SH3TC1: variants seen among roughly 807,000 people sequenced by gnomAD.
SH3TC1 encodes the protein SH3 domain and tetratricopeptide repeats 1.
SH3TC1 carries 135 observed loss-of-function variants against 117.3 expected under a neutral mutation model. The ratio of observed to expected loss-of-function variants is 1.15; its 90% CI spans 1.00 to 1.33. The LOEUF is 1.33. Ranked by LOEUF, SH3TC1 falls within the 40% of genes most tolerant of loss-of-function variation. The pLI is 0.00. For synonymous variants in SH3TC1, 898 were observed against 816.9 expected (o/e 1.10, Z -1.69); for missense variants, 2,092 against 1,794.3 (o/e 1.17, Z -3.00).
intron 1 of SH3TC1, among the ~76,000 whole-genome samples, chr4:8,185,370 C>A (rs1333382243): frequency 6.6e-6 from 1 of 152,160 alleles, no homozygotes; most frequent in East Asian, 1.9e-4. Flanking sequence ...CATTAAGGCT[C>A]CCTGTGCTGT....
intron 1 of SH3TC1, among the ~76,000 whole-genome samples, chr4:8,189,232 C>A (rs889315379): frequency 1.3e-5 from 2 of 152,268 alleles, no homozygotes; most frequent in Non-Finnish European, 2.9e-5. Context: ...TGGTGCTGTG[C>A]TGGGCACGTG....
chr4:8,232,415 C>T (rs1357159753), intron 13 of SH3TC1: 2 of 1,562,372 alleles, frequency 1.3e-6, no homozygotes, highest in African/African-American at 2.7e-5. Context: ...AAGGTCATCT[C>T]AACCCCAGCA....
At chr4:8,201,635 G>A (rs1206138803) in intron 1 of SH3TC1, 2 of 152,398 alleles carry the variant, frequency 1.3e-5, no homozygotes, top group African/African-American at 2.4e-5. Flanking sequence ...GGCTGAGGGA[G>A]GGGACGCTGT....
At chr4:8,223,681 G>A (rs926559479) in intron 10 of SH3TC1, among the ~76,000 whole-genome samples, 3 of 149,622 alleles carry the variant, frequency 2.0e-5, no homozygotes, top group African/African-American at 2.5e-5. Context: ...TGCCCAGGCT[G>A]GAGTGCAGTG....
At chr4:8,232,634 T>C (rs573447328) in intron 13 of SH3TC1, 1 of 1,310,292 alleles carries the variant, frequency 7.6e-7, no homozygotes, top group East Asian at 5.2e-5. Context: ...ACATCCCACA[T>C]GTGGCCCACT....
rs1317219735 is a variant in SH3TC1, at chr4:8,236,344, C to A, written c.3472C>A (p.Leu1158Met). Residue 1158 changes from leucine (L) to methionine (M), a missense_variant, in exon 16 of 18, where the codon CTG becomes ATG. Leu to Met is a conservative substitution (Grantham distance 15). Coordinates refer to ENST00000245105, the MANE Select transcript of SH3TC1 (RefSeq NM_018986.5). ...GGCGGAGCTGCGGCTGTGCAACAAGCTGGTGGCACTGCTGGCCACGCTGGA... is the reference window on the plus strand; with the variant it reads ...GGCGGAGCTGCGGCTGTGCAACAAGATGGTGGCACTGCTGGCCACGCTGGA... ...RKAELRLCNK[L>M]VALLATLEEP... is the part of the protein sequence containing the mutation. 9 of 1,551,488 alleles carry A rather than the reference C, an allele frequency of 5.8e-6. 1 individual carries two copies. In the Admixed American group the frequency reaches 1.8e-4, roughly 30 times the overall value.
intron 3 of SH3TC1, 103 bp from the exon 4 acceptor site, chr4:8,212,597 CG>C (rs1180816801): frequency 2.0e-6 from 3 of 1,507,280 alleles, no homozygotes; most frequent in African/African-American, 2.7e-5. Context: ...CCCAGGCCTT[CG>C]GGGTCAGGTG....
At chr4:8,200,910 ACAC>A (rs1013083316) in intron 1 of SH3TC1, among the ~76,000 whole-genome samples, 15 of 152,164 alleles carry the variant, frequency 9.9e-5, no homozygotes, top group African/African-American at 3.4e-4. Flanking sequence ...ACTTACAAGG[ACAC>A]CACGCACTGG....
At position 8,227,239 on chromosome 4, in the gene SH3TC1, C is replaced by T. The variant is rs547545214; in HGVS notation, c.1545C>T (p.Phe515=). 3 of 1,589,506 alleles carry T rather than the reference C, an allele frequency of 1.9e-6. No individual in the cohort carries two copies. In the South Asian group the frequency reaches 3.4e-5, roughly 18 times the overall value. The change falls in exon 12 of 18, where the codon TTC becomes TTT. Residue 515 remains phenylalanine, a synonymous_variant. Transcript: ENST00000245105. ...FLNAPGYKAS[F]RGLYDVALPW... is the part of the protein sequence containing the mutation. The stretch of plus-strand genomic sequence containing the variant: ...ACGCCCCTGGGTACAAGGCCAGCTT[C>T]CGTGGCCTGTACGATGTGGCGCTGC...
chr4:8,213,885 C>T (rs1718968696), intron 4 of SH3TC1, among the ~76,000 whole-genome samples: 1 of 17,802 alleles, frequency 5.6e-5, no homozygotes, highest in African/African-American at 1.9e-4. Flanking sequence ...GGCCTCATCT[C>T]TGGAAAAAAA....
At chr4:8,220,203 G>C (rs1000099630) in intron 9 of SH3TC1, among the ~76,000 whole-genome samples, 1 of 152,140 alleles carries the variant, frequency 6.6e-6, no homozygotes, top group African/African-American at 2.4e-5. Context: ...TACACACGTC[G>C]CTCTCCTCCG....
At position 8,222,852 on chromosome 4, in the gene SH3TC1, G is replaced by C; in HGVS notation, c.1125G>C (p.Ala375=). 6.2e-7 allele frequency: 1 copy of C among 1,611,426 alleles called. No individual in the cohort carries two copies. The highest frequency in any genetic ancestry group is 8.5e-7 in the Non-Finnish European group (1 of 1,177,754). Residue 375 remains alanine, a synonymous_variant, in exon 10 of 18, where the codon GCG becomes GCC. Transcript: ENST00000245105. ...MQGPVSELES[A]IFLNEEEKSF... ...TTATTTTTTCCAGGTTGGAAAGTGCGATTTTTCTCAATGAGGAAGAAAAGT... is the reference window on the plus strand; with the variant it reads ...TTATTTTTTCCAGGTTGGAAAGTGCCATTTTTCTCAATGAGGAAGAAAAGT...
chr4:8,220,706 G>A (rs3101829), intron 9 of SH3TC1, among the ~76,000 whole-genome samples: 149,690 of 152,268 alleles, frequency 0.98, 73,620 homozygotes, highest in East Asian at 1. Flanking sequence ...CTTGTCTTCA[G>A]TGGTCCTGTT....
chr4:8,234,806 T>C (rs1408971417), intron 14 of SH3TC1, among the ~76,000 whole-genome samples: 1 of 152,216 alleles, frequency 6.6e-6, no homozygotes, highest in East Asian at 1.9e-4. Flanking sequence ...CATGCTCAAA[T>C]AATGTGGCCT....
chr4:8,184,193 G>A (rs1049324242), intron 1 of SH3TC1, among the ~76,000 whole-genome samples: 1 of 152,158 alleles, frequency 6.6e-6, no homozygotes, highest in African/African-American at 2.4e-5. Flanking sequence ...TCATACTGAC[G>A]TCTCCAACTC....
At position 8,199,661 on chromosome 4, in the gene SH3TC1, C is replaced by T. The variant is rs6827523; in HGVS notation, c.-29+256C>T. Among the ~76,000 whole-genome samples, 476 of 152,268 alleles carry T rather than the reference C, an allele frequency of 3.1e-3. 4 individuals are homozygous for T. The highest frequency in any genetic ancestry group is 0.011 in the African/African-American group (445 of 41,544). On this transcript the variant is annotated intron_variant, in intron 1 of 17. Transcript: ENST00000245105. ...AATGATTTCAGCTTTGACCAAGCAC[C>T]CTTGCTTCTGGGACCTGGCCTGACC...
In SH3TC1 at chr4:8,228,496, G is replaced by C. The variant is rs779149419; in HGVS notation, c.2802G>C (p.Ser934=). The C allele has an allele frequency of 1.9e-6, 3 of 1,611,432 alleles. No individual in the cohort carries two copies. The highest frequency in any genetic ancestry group is 2.5e-6 in the Non-Finnish European group (3 of 1,179,500). Residue 934 remains serine (S), a synonymous_variant, in exon 12 of 18, where the codon TCG becomes TCC. Coordinates refer to ENST00000245105, the MANE Select transcript of SH3TC1 (RefSeq NM_018986.5). ...TCCTGGAGGCCGTGCGGCTGTTCTCGAGGCTGCCCCTTGGGGAGTGTGGCC... is the reference window on the plus strand; with the variant it reads ...TCCTGGAGGCCGTGCGGCTGTTCTCCAGGCTGCCCCTTGGGGAGTGTGGCC... ...HYLLEAVRLF[S]RLPLGECGRD... is the part of the protein sequence containing the mutation.
At position 8,190,686 on chromosome 4, in the gene SH3TC1, G is replaced by C. The variant is rs959575953; in HGVS notation, c.-57+8476G>C. On this transcript the variant is annotated intron_variant, in intron 1 of 16. Coordinates refer to the SH3TC1 transcript ENST00000508641. This position sits in a 1 kb window ranked among gnomAD's most constrained non-coding sequence, Gnocchi z 4.7. ...GACAGAGCCTGGCTCTGTCGCCCAG[G>C]CTGGAGTGCAGTAGTGTGGTTATCG... 2.6e-5 allele frequency among the ~76,000 whole-genome samples: 4 copies of C among 151,982 alleles called. No individual in the cohort carries two copies. Among genetic ancestry groups the C allele is most frequent in the African/African-American group, 9.7e-5 (4 of 41,370 alleles).
chr4:8,193,845 G>C (rs1367758857), intron 1 of SH3TC1, among the ~76,000 whole-genome samples: 1 of 152,228 alleles, frequency 6.6e-6, no homozygotes, highest in East Asian at 1.9e-4. Context: ...CTGCTGGTAT[G>C]GGGGCAGGTC....
Sources: gnomAD v4.1 joint callset for allele counts (sites outside exome capture counted in the v4.1 genomes callset) on GRCh38, gnomAD v4.1.1 for gene constraint, Gnocchi (gnomAD v3.1) non-coding constraint, MANE v1.5 for transcripts, NCBI Gene and HGNC (gene_info 2026-07-23, HGNC 2026-07-21) for gene names.